GPHN: variants seen among roughly 807,000 people sequenced by gnomAD.
GPHN encodes gephyrin.
A neutral mutation model predicts 95.5 loss-of-function variants in GPHN; 17 were observed. That is an observed-to-expected ratio of 0.18 (90% CI 0.12 to 0.27). The LOEUF (loss-of-function observed/expected upper bound fraction) is 0.27. GPHN is among the 10% of genes least tolerant of loss of function. GPHN has a pLI of 1.00. For synonymous variants in GPHN, 320 were observed against 322.5 expected (o/e 0.99, Z 0.08); for missense variants, 660 against 978.1 (o/e 0.67, Z 4.34).
chr14:67,007,556 TG>T (rs1349793292), intron 9 of GPHN, among the ~76,000 whole-genome samples: 1 of 152,216 alleles, frequency 6.6e-6, no homozygotes, highest in African/African-American at 2.4e-5. Flanking sequence ...CAAAATAATC[TG>T]GGGTTATTCA....
intron 12 of GPHN, among the ~76,000 whole-genome samples, chr14:67,090,070 T>C (rs563973619): frequency 6.6e-6 from 1 of 152,260 alleles, no homozygotes; most frequent in South Asian, 2.1e-4. Context: ...CTTAGTGATT[T>C]TCAAACTATG....
At chr14:67,653,217 GT>G in the GPHN span, among the ~76,000 whole-genome samples, 1 of 152,186 alleles carries the variant, frequency 6.6e-6, no homozygotes, top group African/African-American at 2.4e-5. Flanking sequence ...AGTCAAAGCA[GT>G]ATATACTTTT....
Position 66,915,893 on chromosome 14 carries a change from C to G in GPHN, c.390-110C>G, listed in dbSNP as rs953810792. The G allele has an allele frequency of 9.4e-6, 7 of 747,536 alleles. No individual in the cohort carries two copies. In the South Asian group the frequency reaches 1.0e-4, roughly 11 times the overall value. 46.3% of individuals were successfully genotyped at this position (747,536 alleles called of 1,614,324 possible). On this transcript the variant is annotated intron_variant, in intron 5 of 22. Coordinates refer to ENST00000478722, the MANE Select transcript of GPHN (RefSeq NM_020806.5). ...ATGTCTTAAGATAACACTTTTATTC[C>G]TAAAACAGTTGTTCACATGTAAAGT...
chr14:66,800,062 ACAAG>A (rs1261249887), intron 3 of GPHN, among the ~76,000 whole-genome samples: 2 of 152,092 alleles, frequency 1.3e-5, no homozygotes, highest in Admixed American at 6.6e-5. Flanking sequence ...GCATAAACAA[ACAAG>A]CAAGCAAGCC....
chr14:66,893,103 C>T (rs2064612465), intron 5 of GPHN, among the ~76,000 whole-genome samples: 1 of 152,188 alleles, frequency 6.6e-6, no homozygotes, highest in African/African-American at 2.4e-5. Context: ...CACCTTTCTC[C>T]TTCTCTCACC....
chr14:66,683,329 AATATATATATATATAT>A (rs59011754), intron 2 of GPHN, among the ~76,000 whole-genome samples: 1 of 7,924 alleles, frequency 1.3e-4, no homozygotes, highest in Non-Finnish European at 1.7e-4. Flanking sequence ...CCAATGTGGA[AATATATATATATATAT>A]ATATATATAT....
At chr14:67,323,691 T>C in the GPHN span, 1 of 1,298,680 alleles carries the variant, frequency 7.7e-7, no homozygotes, top group Non-Finnish European at 1.1e-6. Flanking sequence ...AATCAAAATG[T>C]CTCTTTACAG....
the GPHN span, chr14:67,574,383 G>A: frequency 4.4e-6 from 7 of 1,580,604 alleles, no homozygotes; most frequent in Admixed American, 5.6e-5. The surrounding 1 kb of genome is among the most constrained non-coding windows in gnomAD (Gnocchi z 4.2). Flanking sequence ...CAAGCCCACC[G>A]TGAAGGGCTG....
chr14:66,743,630 T>C (rs2153442193), intron 2 of GPHN, among the ~76,000 whole-genome samples: 1 of 152,188 alleles, frequency 6.6e-6, no homozygotes, highest in Non-Finnish European at 1.5e-5. Context: ...CAGTCCCAGC[T>C]ACTTGGGAGG....
chr14:66,996,422 A>G (rs547983126), intron 9 of GPHN, among the ~76,000 whole-genome samples: 4 of 152,308 alleles, frequency 2.6e-5, no homozygotes, highest in Non-Finnish European at 4.4e-5. Context: ...TTGTCTGAAT[A>G]ACTTTTTTTT....
chr14:67,286,443 A>G, the GPHN span, among the ~76,000 whole-genome samples: 1 of 152,208 alleles, frequency 6.6e-6, no homozygotes, highest in Admixed American at 6.5e-5. Context: ...TTACATCTGA[A>G]TGGATTTTTT....
intron 1 of GPHN, among the ~76,000 whole-genome samples, chr14:66,603,260 C>G (rs2062345045): frequency 2.0e-5 from 3 of 151,832 alleles, no homozygotes; most frequent in African/African-American, 7.2e-5. Context: ...TTTAAAATCC[C>G]TGTAATCCCT....
chr14:66,703,533 C>G (rs971087484), intron 2 of GPHN, among the ~76,000 whole-genome samples: 2 of 152,188 alleles, frequency 1.3e-5, no homozygotes, highest in Non-Finnish European at 2.9e-5. Flanking sequence ...AATTTCATAT[C>G]TAGCCAAACT....
At chr14:66,822,317 A>C (rs953744078) in intron 3 of GPHN, among the ~76,000 whole-genome samples, 12 of 152,224 alleles carry the variant, frequency 7.9e-5, no homozygotes, top group African/African-American at 2.7e-4. Context: ...ACCCTTGAGT[A>C]ATTGAACAGA....
the GPHN span, among the ~76,000 whole-genome samples, chr14:67,292,058 T>TA: frequency 2.6e-5 from 4 of 152,202 alleles, no homozygotes; most frequent in East Asian, 5.8e-4. Context: ...AACTTTAGTT[T>TA]AATGGTTACT....
In GPHN at chr14:67,179,730, CTT is replaced by C; in HGVS notation, c.2176+57_2176+58del. 10 of 892,730 alleles carry C rather than the reference CTT, an allele frequency of 1.1e-5. No individual in the cohort carries two copies. In the South Asian group the frequency reaches 1.3e-4, roughly 12 times the overall value. 55.3% of individuals were successfully genotyped at this position (892,730 alleles called of 1,614,324 possible). The stretch of plus-strand genomic sequence containing the variant: ...GACACCTATCCTGTTAAAACACAAA[CTT>C]ATATATAATCTTCCTTGGTTATGAC... On this transcript the variant is annotated intron_variant, in intron 22 of 22. Transcript: ENST00000478722.
At chr14:66,848,753 A>G (rs1221089271) in intron 4 of GPHN, among the ~76,000 whole-genome samples, 2 of 151,976 alleles carry the variant, frequency 1.3e-5, no homozygotes, top group African/African-American at 4.8e-5. Context: ...TTTACTGAAC[A>G]TGGAAATAAT....
chr14:67,395,053 G>C, the GPHN span, among the ~76,000 whole-genome samples: 5 of 152,088 alleles, frequency 3.3e-5, no homozygotes, highest in African/African-American at 1.2e-4. Context: ...CCCAATTTCA[G>C]GTATTCTGTT....
At chr14:66,957,187 CTTTTTTTTTTT>C (rs1157690518) in intron 8 of GPHN, among the ~76,000 whole-genome samples, 17 of 84,836 alleles carry the variant, frequency 2.0e-4, no homozygotes, top group Admixed American at 2.0e-3. Flanking sequence ...TTCTTTCTTT[CTTTTTTTTTTT>C]TTTTTTTTTT....
Sources: allele counts gnomAD v4.1 joint callset (sites outside exome capture counted in the v4.1 genomes callset), GRCh38; gene constraint gnomAD v4.1.1; non-coding constraint Gnocchi (gnomAD v3.1); transcripts MANE v1.5; gene names NCBI Gene and HGNC (gene_info 2026-07-23, HGNC 2026-07-21).